The following ZNF266 variants were observed in gnomAD, a reference collection of about 807,000 sequenced individuals.
ZNF266 encodes zinc finger protein 1.
In ZNF266, 16 loss-of-function variants were observed where a neutral mutation model predicts 16.4. The ratio of observed to expected loss-of-function variants is 0.98; its 90% CI spans 0.66 to 1.48. The LOEUF (loss-of-function observed/expected upper bound fraction) is 1.48, where lower values mean the gene tolerates loss of function less well. Among genes scored for constraint, ZNF266 ranks in the 40% most tolerant of loss-of-function variants. The pLI is 0.00. For synonymous variants in ZNF266, 262 were observed against 237.9 expected (o/e 1.10, Z -0.93); for missense variants, 738 against 689.1 (o/e 1.07, Z -0.79).
Position 9,417,973 on chromosome 19 carries a change from A to G in ZNF266, c.236-65T>C, listed in dbSNP as rs16995432. 1,644 of 1,470,588 alleles carry G rather than the reference A, an allele frequency of 1.1e-3. 16 individuals are homozygous for G. In the African/African-American group the frequency reaches 0.021, roughly 18 times the overall value. 91.1% of individuals were successfully genotyped at this position (1,470,588 alleles called of 1,614,324 possible). On this transcript the variant is annotated intron_variant, in intron 8 of 10. Transcript: ENST00000592904. ...GCAAGAGATGATAAATCTTTCCACAACTCAGGAGATATAGTTCCAATGGAA... is the reference window on the plus strand; with the variant it reads ...GCAAGAGATGATAAATCTTTCCACAGCTCAGGAGATATAGTTCCAATGGAA...
At chr19:9,417,513 G>A (rs1157991518) in intron 9 of ZNF266, among the ~76,000 whole-genome samples, 1 of 152,200 alleles carries the variant, frequency 6.6e-6, no homozygotes, top group Non-Finnish European at 1.5e-5. Context: ...CAGATCATGA[G>A]ATCAGGAGTT....
chr19:9,416,282 C>A (rs1038477164), intron 9 of ZNF266, among the ~76,000 whole-genome samples: 1 of 151,086 alleles, frequency 6.6e-6, no homozygotes, highest in Non-Finnish European at 1.5e-5. Context: ...TGATGGTGAA[C>A]ACAAAGAATA....
In ZNF266 at chr19:9,414,027, C is replaced by G. The variant is rs1437619393; in HGVS notation, c.1099G>C (p.Glu367Gln). The change falls in exon 11 of 11, where the codon GAA (glutamate) becomes CAA (glutamine). Residue 367 changes from glutamate (E) to glutamine (Q), a missense_variant. By Grantham distance (29) the Glu-to-Gln change is conservative (BLOSUM62 2). Transcript: ENST00000592904. Reference sequence around the variant, plus strand: ...GATCTAGTGAAGGCTATCCCACATTCCTTGCATTCATAAGGCTTCTCACCC... The same window carrying G: ...GATCTAGTGAAGGCTATCCCACATTGCTTGCATTCATAAGGCTTCTCACCC... ...HVGEKPYECK[E>Q]CGIAFTRSSQ... 6.2e-7 allele frequency: 1 copy of G among 1,614,120 alleles called. No individual in the cohort carries two copies. The highest frequency in any genetic ancestry group is 8.5e-7 in the Non-Finnish European group (1 of 1,180,016).
intron 5 of ZNF266, among the ~76,000 whole-genome samples, chr19:9,422,973 TTG>T (rs2070166283): frequency 6.6e-6 from 1 of 152,202 alleles, no homozygotes; most frequent in Admixed American, 6.5e-5. Flanking sequence ...AAAGGAAAGA[TTG>T]TGTCCCACGT....
At chr19:9,415,126 C>A (rs1387420984) in intron 10 of ZNF266, among the ~76,000 whole-genome samples, 2 of 152,172 alleles carry the variant, frequency 1.3e-5, no homozygotes, top group African/African-American at 4.8e-5. Context: ...GAAACCCTGT[C>A]TCTACTAAAA....
intron 5 of ZNF266, among the ~76,000 whole-genome samples, chr19:9,433,267 C>G (rs1231699629): frequency 2.0e-5 from 3 of 152,158 alleles, no homozygotes; most frequent in Non-Finnish European, 4.4e-5. Context: ...GGCCCCTTCA[C>G]AGCTTTTTGG....
rs776046242 is a variant in ZNF266 at position 9,413,906 on chromosome 19, C to G, written c.1220G>C (p.Ser407Thr). Residue 407 changes from serine to threonine, a missense_variant, in exon 11 of 11, where the codon AGT becomes ACT. Coordinates refer to ENST00000592904, the MANE Select transcript of ZNF266 (RefSeq NM_001370374.1). ...TCCAGTGTGAATTCGAAAGTGATCACTGAGGCATGAGGAATTTCTAAAGGA... is the reference window on the plus strand; with the variant it reads ...TCCAGTGTGAATTCGAAAGTGATCAGTGAGGCATGAGGAATTTCTAAAGGA... ...GKSFRNSSCL[S>T]DHFRIHTGIK... 2 of 1,613,756 alleles carry G rather than the reference C, an allele frequency of 1.2e-6. No individual in the cohort carries two copies. Among genetic ancestry groups the G allele is most frequent in the Non-Finnish European group, 1.7e-6 (2 of 1,179,930 alleles).
At chr19:9,430,239 C>T (rs1417845011) in intron 5 of ZNF266, among the ~76,000 whole-genome samples, 2 of 152,176 alleles carry the variant, frequency 1.3e-5, no homozygotes, top group African/African-American at 2.4e-5. Context: ...CCTTCGTTCT[C>T]GCTTCTGTAA....
At position 9,416,274 on chromosome 19, in the gene ZNF266, A is replaced by G. The variant is rs148613365; in HGVS notation, c.317-532T>C. Among the ~76,000 whole-genome samples, 214 of 152,258 alleles carry G rather than the reference A, an allele frequency of 1.4e-3. 3 individuals carry two copies. Among genetic ancestry groups the G allele is most frequent in the African/African-American group, 4.9e-3 (204 of 41,542 alleles). On this transcript the variant is annotated intron_variant, in intron 9 of 10. Coordinates refer to ENST00000592904, the MANE Select transcript of ZNF266 (RefSeq NM_001370374.1). ...CTGATTCTATGAAAATTATAAACTG[A>G]TGGTGAACACAAAGAATATTACCAT... is the stretch of plus-strand genomic sequence containing the variant.
intron 5 of ZNF266, among the ~76,000 whole-genome samples, chr19:9,431,685 C>T (rs1568425667): frequency 6.6e-6 from 1 of 152,144 alleles, no homozygotes; most frequent in Non-Finnish European, 1.5e-5. Flanking sequence ...TGCAGCTGGC[C>T]TTTGCCTTGA....
rs1463649725 is a variant in ZNF266 at position 9,420,224 on chromosome 19, T to C, written c.-129-6A>G. ...TATCCAGGGTTAACGGTATCCTGTT[T>C]GTATAAATCATTAATCAACAAGCAT... On this transcript the variant is annotated splice_region_variant and splice_polypyrimidine_tract_variant and intron_variant, in intron 5 of 10. Coordinates refer to ENST00000592904, the MANE Select transcript of ZNF266 (RefSeq NM_001370374.1). 6.6e-6 allele frequency: 1 copy of C among 152,402 alleles called. No homozygotes were observed. Among genetic ancestry groups the C allele is most frequent in the Admixed American group, 6.5e-5 (1 of 15,282 alleles). 9.4% of individuals were successfully genotyped at this position (152,402 alleles called of 1,614,324 possible).
At chr19:9,430,876 G>A (rs1173980377) in intron 5 of ZNF266, among the ~76,000 whole-genome samples, 2 of 152,196 alleles carry the variant, frequency 1.3e-5, no homozygotes, top group Non-Finnish European at 2.9e-5. Flanking sequence ...GGTCCTCTCT[G>A]TCTCATTCCC....
At chr19:9,416,365 G>GTT (rs746930588) in intron 9 of ZNF266, among the ~76,000 whole-genome samples, 1 of 93,768 alleles carries the variant, frequency 1.1e-5, no homozygotes. Flanking sequence ...TTTGTTTTTT[G>GTT]TTTTTTTTTT....
rs535357884 is a variant in ZNF266, at chr19:9,413,585, T to C, written c.1541A>G (p.His514Arg). The C allele has an allele frequency of 7.4e-6, 12 of 1,614,162 alleles. No individual in the cohort carries two copies. In the African/African-American group the frequency reaches 1.5e-4, roughly 20 times the overall value. ...ECLECGKAFT[H>R]SSSLNNHMRT... ...CATGTGATTATTAAGACTGGAGGAA[T>C]GCGTAAATGCTTTACCACATTCCAG... Residue 514 changes from histidine to arginine, a missense_variant, in exon 11 of 11, where the codon CAT becomes CGT. Transcript: ENST00000592904.
Position 9,413,865 on chromosome 19 carries a change from ATTTATAGGGT to A in ZNF266, c.1251_1260del (p.Lys417AsnfsTer75), listed in dbSNP as rs780234307. ...GTGAAGGCTTTCCCACAATCCTTAC[ATTTATAGGGT>A]TTTATTCCAGTGTGAATTCGAAAGT... is the stretch of plus-strand genomic sequence containing the variant. On this transcript the variant is annotated frameshift_variant, in exon 11 of 11. Transcript: ENST00000592904. LOFTEE classifies it low-confidence loss of function (END_TRUNC). The A allele has an allele frequency of 6.2e-7, 1 of 1,614,204 alleles. No homozygotes were observed. The highest frequency in any genetic ancestry group is 1.1e-5 in the South Asian group (1 of 91,084).
At position 9,415,020 on chromosome 19, in the gene ZNF266, C is replaced by T. The variant is rs192958595; in HGVS notation, c.406-300G>A. ...CTAAAACACCTAAGTGTTGGCTGGG[C>T]GCAGTGGCTCACGCCTGTAATCCCA... On this transcript the variant is annotated intron_variant, in intron 10 of 10. Transcript: ENST00000592904. 2.4e-3 allele frequency among the ~76,000 whole-genome samples: 371 copies of T among 152,248 alleles called. 6 individuals carry two copies. Among genetic ancestry groups the T allele is most frequent in the Admixed American group, 0.017 (266 of 15,280 alleles).
rs543995807 is a variant in ZNF266 at position 9,426,930 on chromosome 19, T to C, written c.-129-6712A>G. ...AAATATTCCATATTAGGTATAAATA[T>C]GCTAACATAATAAATAACAAATTAA... is the stretch of plus-strand genomic sequence containing the variant. On this transcript the variant is annotated intron_variant, in intron 5 of 10. Transcript: ENST00000592904. Among the ~76,000 whole-genome samples, 26 of 152,314 alleles carry C rather than the reference T, an allele frequency of 1.7e-4. No homozygotes were observed. In the South Asian group the frequency reaches 3.3e-3, roughly 19 times the overall value.
chr19:9,420,909 T>A (rs1333141042), intron 5 of ZNF266, among the ~76,000 whole-genome samples: 1 of 152,156 alleles, frequency 6.6e-6, no homozygotes, highest in Non-Finnish European at 1.5e-5. Flanking sequence ...TGCTCTTACT[T>A]TCCCACATGA....
intron 9 of ZNF266, among the ~76,000 whole-genome samples, chr19:9,416,190 A>G (rs1054387344): frequency 4.6e-5 from 7 of 152,198 alleles, no homozygotes; most frequent in Non-Finnish European, 8.8e-5. Context: ...AAGATTGTAT[A>G]TCAAAAATTT....
Sources: gnomAD v4.1 joint callset for allele counts (sites outside exome capture counted in the v4.1 genomes callset) on GRCh38, gnomAD v4.1.1 for gene constraint, MANE v1.5 for transcripts, NCBI Gene and HGNC (gene_info 2026-07-23, HGNC 2026-07-21) for gene names.